EFCAB6: variants seen among roughly 807,000 people sequenced by gnomAD.
The protein encoded by EFCAB6 is EF-hand calcium-binding domain-containing protein 6.
Under a neutral mutation model 169.8 loss-of-function variants are expected in EFCAB6, and 156 were observed. The ratio of observed to expected loss-of-function variants is 0.92; its 90% CI spans 0.81 to 1.05. The LOEUF is 1.05. Among genes scored for constraint, EFCAB6 ranks in the 50% least tolerant of loss-of-function variants. The pLI, the probability that EFCAB6 is intolerant of heterozygous loss-of-function variation, is 0.00. For synonymous variants in EFCAB6, 698 were observed against 676.4 expected (o/e 1.03, Z -0.50); for missense variants, 1,800 against 1,829.1 (o/e 0.98, Z 0.29).
intron 23 of EFCAB6, among the ~76,000 whole-genome samples, chr22:43,594,626 A>C (rs1413772016): frequency 6.6e-6 from 1 of 152,256 alleles, no homozygotes; most frequent in African/African-American, 2.4e-5. Context: ...CAGAGCACCC[A>C]AATATGTAAA....
intron 17 of EFCAB6, among the ~76,000 whole-genome samples, chr22:43,641,641 G>A (rs2055811661): frequency 6.6e-6 from 1 of 150,892 alleles, no homozygotes; most frequent in African/African-American, 2.4e-5. Flanking sequence ...AATACTATGA[G>A]GCCAATAAAA....
intron 23 of EFCAB6, among the ~76,000 whole-genome samples, chr22:43,593,448 G>A (rs966921978): frequency 2.6e-5 from 4 of 152,214 alleles, no homozygotes; most frequent in Non-Finnish European, 4.4e-5. Flanking sequence ...CAGGAAAGAC[G>A]AGAAGAGAAG....
chr22:43,757,686 T>C (rs1018026097), intron 5 of EFCAB6, among the ~76,000 whole-genome samples: 6 of 152,180 alleles, frequency 3.9e-5, no homozygotes, highest in Non-Finnish European at 8.8e-5. Context: ...TCCTGCCTAG[T>C]TCTAGCCAAG....
chr22:43,693,953 G>C (rs932595181), intron 10 of EFCAB6, among the ~76,000 whole-genome samples: 2 of 151,604 alleles, frequency 1.3e-5, no homozygotes, highest in African/African-American at 2.4e-5. Context: ...AGAGAAAATG[G>C]ATACAATAAA....
intron 2 of EFCAB6, among the ~76,000 whole-genome samples, chr22:43,791,240 G>T (rs2062275264): frequency 6.6e-6 from 1 of 152,026 alleles, no homozygotes; most frequent in African/African-American, 2.4e-5. Flanking sequence ...AGGTGTGGTG[G>T]TGCACACCTA....
intron 2 of EFCAB6, chr22:43,802,843 C>A (rs2062775131): frequency 1.2e-5 from 5 of 406,474 alleles, no homozygotes; most frequent in South Asian, 1.1e-4. Flanking sequence ...TATTTTTAAT[C>A]AAGTTTTATA....
At chr22:43,717,391 C>T (rs1458053517) in intron 8 of EFCAB6, among the ~76,000 whole-genome samples, 2 of 146,848 alleles carry the variant, frequency 1.4e-5, no homozygotes, top group Non-Finnish European at 3.0e-5. Context: ...AAAAAAGCCA[C>T]AAGTTAACAG....
At chr22:43,593,280 A>T (rs774105388) in intron 23 of EFCAB6, among the ~76,000 whole-genome samples, 1 of 152,176 alleles carries the variant, frequency 6.6e-6, no homozygotes, top group Non-Finnish European at 1.5e-5. Context: ...TAGTTAACTG[A>T]GCTTGATGAT....
In EFCAB6 at chr22:43,727,410, A is replaced by G. The variant is rs563665781; in HGVS notation, c.757+4289T>C. Among the ~76,000 whole-genome samples, 173 of 152,342 alleles carry G rather than the reference A, an allele frequency of 1.1e-3. 6 individuals are homozygous for G. The South Asian group carries it at 0.035, about 31-fold the overall frequency. ...ACCACTGCATTCCTGCCTGGGCAAC[A>G]CAGCAAGACCCTGTCTCAAAAAGAA... is the stretch of plus-strand genomic sequence containing the variant. On this transcript the variant is annotated intron_variant, in intron 8 of 31. Transcript: ENST00000262726.
intron 26 of EFCAB6, among the ~76,000 whole-genome samples, chr22:43,575,537 C>T (rs2050193935): frequency 6.6e-6 from 1 of 151,796 alleles, no homozygotes. Flanking sequence ...CTAAAGCCAA[C>T]ATATTAACAT....
intron 9 of EFCAB6, among the ~76,000 whole-genome samples, chr22:43,715,094 A>G (rs73887399): frequency 4.7e-4 from 72 of 152,348 alleles, no homozygotes; most frequent in African/African-American, 1.5e-3. Context: ...ACTGTCTGAA[A>G]TGGAAACATC....
rs143494899 is a variant in EFCAB6 at position 43,808,398 on chromosome 22, C to T, written c.-8+597G>A. Among the ~76,000 whole-genome samples the T allele has an allele frequency of 5.6e-4, 85 of 152,266 alleles. 7 individuals carry two copies. The East Asian group carries it at 0.016, about 28-fold the overall frequency. ...AGCAAGTATTCTTAACATGGAATCG[C>T]GGTCCATGTGTGTGCTTTTATAGCC... On this transcript the variant is annotated intron_variant, in intron 2 of 31. Transcript: ENST00000262726.
chr22:43,778,220 A>G (rs2061699480), intron 3 of EFCAB6, among the ~76,000 whole-genome samples: 1 of 152,220 alleles, frequency 6.6e-6, no homozygotes, highest in Non-Finnish European at 1.5e-5. Context: ...TGAGGCTGAC[A>G]GATGGATGAG....
intron 4 of EFCAB6, among the ~76,000 whole-genome samples, chr22:43,767,984 G>C (rs1050104914): frequency 6.6e-5 from 10 of 152,202 alleles, no homozygotes; most frequent in Admixed American, 5.2e-4. Flanking sequence ...TAAGGGTGGG[G>C]CTGGAGGAGG....
rs763746136 is a variant in EFCAB6 at position 43,608,560 on chromosome 22, C to T, written c.2603G>A (p.Arg868Gln). ...CAGTGCGTTCTTTATGTCCCGGCGTCGAAGAATGCCATTGCCCTCATTATC... is the reference window on the plus strand; with the variant it reads ...CAGTGCGTTCTTTATGTCCCGGCGTTGAAGAATGCCATTGCCCTCATTATC... ...ETDNEGNGIL[R>Q]RRDIKNALYG... Residue 868 changes from arginine to glutamine, a missense_variant, in exon 22 of 32, where the codon CGA (arginine) becomes CAA (glutamine). Arg to Gln is a conservative substitution (Grantham distance 43). Transcript: ENST00000262726. 1.5e-5 allele frequency: 24 copies of T among 1,614,024 alleles called. No individual in the cohort carries two copies. The Middle Eastern group carries it at 4.9e-4, about 33-fold the overall frequency.
At chr22:43,719,290 C>T (rs751184076) in intron 8 of EFCAB6, among the ~76,000 whole-genome samples, 1 of 152,194 alleles carries the variant, frequency 6.6e-6, no homozygotes, top group Non-Finnish European at 1.5e-5. Context: ...TCAAAATTTC[C>T]TCTGAAGGAT....
At chr22:43,730,778 A>G (rs973135175) in intron 8 of EFCAB6, among the ~76,000 whole-genome samples, 1 of 152,274 alleles carries the variant, frequency 6.6e-6, no homozygotes, top group African/African-American at 2.4e-5. Context: ...ACGCAGGAAC[A>G]CGCTTTGCAC....
Position 43,530,916 on chromosome 22 carries a change from T to A in EFCAB6, c.4282A>T (p.Ile1428Phe). The change falls in exon 31 of 32, where the codon ATT becomes TTT. Residue 1428 changes from isoleucine to phenylalanine, a missense_variant. Physicochemically the swap from Ile to Phe is conservative, Grantham distance 21. Transcript: ENST00000262726. ...CAGCAGTGCACAATTTTGGGCTGAA[T>A]ACGCAGCAGAGCAGAGTAAAAAGAT... Reference protein sequence around the residue: ...TPSFYSALLRIQPKIVHCWRP... With the variant: ...TPSFYSALLRFQPKIVHCWRP... 6.2e-7 allele frequency: 1 copy of A among 1,614,216 alleles called. No homozygotes were observed. Among genetic ancestry groups the A allele is most frequent in the Non-Finnish European group, 8.5e-7 (1 of 1,180,040 alleles).
rs2060469845 is a variant in EFCAB6 at position 43,744,023 on chromosome 22, T to C, written c.508-8030A>G. Among the ~76,000 whole-genome samples, 2 of 149,388 alleles carry C rather than the reference T, an allele frequency of 1.3e-5. No individual in the cohort carries two copies. The highest frequency in any genetic ancestry group is 5.0e-5 in the African/African-American group (2 of 39,778). Reference sequence around the variant, plus strand: ...AATGAATGGATGAAGGGATGAATGATGAATGAATGAATGAATGAATGGGTT... The same window carrying C: ...AATGAATGGATGAAGGGATGAATGACGAATGAATGAATGAATGAATGGGTT... On this transcript the variant is annotated intron_variant, in intron 6 of 31. Coordinates refer to ENST00000262726, the MANE Select transcript of EFCAB6 (RefSeq NM_022785.4). This position sits in a 1 kb window ranked among gnomAD's most constrained non-coding sequence, Gnocchi z 4.3.
Sources: gnomAD v4.1 joint callset for allele counts (sites outside exome capture counted in the v4.1 genomes callset) on GRCh38, gnomAD v4.1.1 for gene constraint, Gnocchi (gnomAD v3.1) non-coding constraint, MANE v1.5 for transcripts, NCBI Gene and HGNC (gene_info 2026-07-23, HGNC 2026-07-21) for gene names.